TRIM17: variants seen among roughly 807,000 people sequenced by gnomAD.
TRIM17 encodes E3 ubiquitin-protein ligase TRIM17.
A neutral mutation model predicts 35.8 loss-of-function variants in TRIM17; 27 were observed. The ratio of observed to expected loss-of-function variants is 0.75; its 90% CI spans 0.56 to 1.04. The LOEUF (loss-of-function observed/expected upper bound fraction) is 1.04, where lower values mean the gene tolerates loss of function less well. TRIM17 is among the 50% of genes least tolerant of loss of function. TRIM17 has a pLI of 0.00. For synonymous variants in TRIM17, 246 were observed against 252.6 expected, an observed-to-expected ratio of 0.97 and a Z score of 0.25; for missense variants, 582 against 612.8, an observed-to-expected ratio of 0.95 and a Z score of 0.53.
In TRIM17 at chr1:228,408,365, A is replaced by G. The variant is rs768837283; in HGVS notation, c.1270T>C (p.Phe424Leu). 1 of 1,614,132 alleles carries G rather than the reference A, an allele frequency of 6.2e-7. No homozygotes were observed. Among genetic ancestry groups the G allele is most frequent in the Non-Finnish European group, 8.5e-7 (1 of 1,180,002 alleles). Residue 424 changes from phenylalanine to leucine, a missense_variant, in exon 7 of 7, where the codon TTC becomes CTC. Transcript: ENST00000366698. The surrounding 1 kb of genome is among the most constrained non-coding windows in gnomAD (Gnocchi z 6.3). Reference protein sequence around the residue: ...PPSHMGIFLDFEAGEVSFYSV... With the variant: ...PPSHMGIFLDLEAGEVSFYSV... ...TAGAAGGACACTTCCCCGGCTTCGA[A>G]GTCCAGGAAGATGCCCATGTGGCTG... is the stretch of plus-strand genomic sequence containing the variant.
At chr1:228,413,166 G>A (rs910695380) in intron 3 of TRIM17, among the ~76,000 whole-genome samples, 1 of 142,852 alleles carries the variant, frequency 7.0e-6, no homozygotes, top group African/African-American at 2.7e-5. Flanking sequence ...AACTGACACC[G>A]CACCATTGGA....
intron 3 of TRIM17, among the ~76,000 whole-genome samples, chr1:228,413,135 C>T (rs1351577242): frequency 1.3e-5 from 2 of 149,452 alleles, no homozygotes; most frequent in African/African-American, 5.0e-5. Flanking sequence ...TGCTTGAACC[C>T]GGGAGGCAGA....
In TRIM17 at chr1:228,408,597, G is replaced by C; in HGVS notation, c.1038C>G (p.Phe346Leu). Residue 346 changes from phenylalanine to leucine, a missense_variant, in exon 7 of 7, where the codon TTC (phenylalanine) becomes TTG (leucine). By Grantham distance (22) the Phe-to-Leu change is conservative (BLOSUM62 0). Coordinates refer to ENST00000366698, the MANE Select transcript of TRIM17 (RefSeq NM_016102.4). The surrounding 1 kb of genome is among the most constrained non-coding windows in gnomAD (Gnocchi z 6.3). ...AYPCAVGQTA[F>L]SSGRHYWEVG... is the part of the protein sequence containing the mutation. ...CCTCCCAGTAGTGCCTCCCAGAGGA[G>C]AAGGCCGTCTGGCCCACAGCACAGG... 1 of 1,613,998 alleles carries C rather than the reference G, an allele frequency of 6.2e-7. No homozygotes were observed.
In TRIM17 at chr1:228,407,965, C is replaced by T. The variant is rs902178583; in HGVS notation, c.*236G>A. Reference sequence around the variant, plus strand: ...GGTGTGTAGGTATGGATTTAGAAATCGGTCCACTCAGAACGCAGGGGCTTT... The same window carrying T: ...GGTGTGTAGGTATGGATTTAGAAATTGGTCCACTCAGAACGCAGGGGCTTT... On this transcript the variant is annotated 3_prime_UTR_variant, in exon 7 of 7. Coordinates refer to ENST00000366698, the MANE Select transcript of TRIM17 (RefSeq NM_016102.4). The T allele has an allele frequency of 2.5e-5, 9 of 354,810 alleles. No individual in the cohort carries two copies. Among genetic ancestry groups the T allele is most frequent in the African/African-American group, 1.9e-4 (9 of 47,640 alleles). The allele number at this position is 354,810 out of a possible 1,614,324, so 22.0% of individuals were successfully genotyped here. A position where few individuals can be genotyped will look rare whatever the true frequency, so the allele number is the denominator to read the frequency against.
At chr1:228,415,151 C>T (rs955212072) in intron 1 of TRIM17, 38 bp from the exon 2 acceptor site, 73 of 1,485,356 alleles carry the variant, frequency 4.9e-5, no homozygotes, top group Non-Finnish European at 6.2e-5. Flanking sequence ...ATGATCTGGG[C>T]GCCGGCAGTG....
Position 228,409,427 on chromosome 1 carries a change from A to C in TRIM17, c.757-16T>G, listed in dbSNP as rs1172341893. ...CCTTCATGTCCTGCAAAAGACAGGG[A>C]CGGAGGGTGGGGAGTGAGCCAAGCT... On this transcript the variant is annotated splice_polypyrimidine_tract_variant and intron_variant, in intron 4 of 6. Transcript: ENST00000366698. The C allele has an allele frequency of 1.3e-6, 2 of 1,509,554 alleles. No homozygotes were observed. Among genetic ancestry groups the C allele is most frequent in the Non-Finnish European group, 1.8e-6 (2 of 1,131,040 alleles). The allele number at this position is 1,509,554 out of a possible 1,614,324, so 93.5% of individuals were successfully genotyped here.
Position 228,408,458 on chromosome 1 carries a change from G to A in TRIM17, c.1177C>T (p.Leu393=), listed in dbSNP as rs1474570011. The change falls in exon 7 of 7, where the codon CTG becomes TTG. Residue 393 remains leucine, a synonymous_variant. Coordinates refer to ENST00000366698, the MANE Select transcript of TRIM17 (RefSeq NM_016102.4). This position sits in a 1 kb window ranked among gnomAD's most constrained non-coding sequence, Gnocchi z 6.3. ...CPENGFWVVQ[L]SKGTKYLSTF... Reference sequence around the variant, plus strand: ...GATAAGTACTTGGTCCCCTTGGACAGCTGCACCACCCAGAAGCCGTTTTCG... The same window carrying A: ...GATAAGTACTTGGTCCCCTTGGACAACTGCACCACCCAGAAGCCGTTTTCG... 6.2e-7 allele frequency: 1 copy of A among 1,614,208 alleles called. No individual in the cohort carries two copies. The highest frequency in any genetic ancestry group is 8.5e-7 in the Non-Finnish European group (1 of 1,180,032).
chr1:228,413,523 C>T (rs907046825), intron 3 of TRIM17, among the ~76,000 whole-genome samples: 1 of 152,176 alleles, frequency 6.6e-6, no homozygotes, highest in Non-Finnish European at 1.5e-5. Flanking sequence ...CCCCTACCCT[C>T]TGGCTGCCTC....
At chr1:228,415,350 T>C in intron 1 of TRIM17, 1 of 371,730 alleles carries the variant, frequency 2.7e-6, no homozygotes, top group South Asian at 5.4e-5. Flanking sequence ...GCCTGGACCC[T>C]ACCCGTCCAC....
Position 228,411,058 on chromosome 1 carries a change from G to A in TRIM17, c.644C>T (p.Ala215Val). The A allele has an allele frequency of 6.2e-7, 1 of 1,613,814 alleles. No homozygotes were observed. Among genetic ancestry groups the A allele is most frequent in the South Asian group, 1.1e-5 (1 of 91,072 alleles). ...QALETEEEET[A>V]SRLRESVACL... is the part of the protein sequence containing the mutation. ...GGCCACGCTCTCCCGGAGCCTGCTG[G>A]CAGTCTCCTCTTCTTCCGTCTCCAG... Residue 215 changes from alanine (A) to valine (V), a missense_variant, in exon 4 of 7, where the codon GCC becomes GTC. By Grantham distance (64) the Ala-to-Val change is moderately conservative (BLOSUM62 0). Coordinates refer to ENST00000366698, the MANE Select transcript of TRIM17 (RefSeq NM_016102.4). The surrounding 1 kb of genome is among the most constrained non-coding windows in gnomAD (Gnocchi z 4.2).
At chr1:228,412,432 T>C (rs1192054784) in intron 3 of TRIM17, among the ~76,000 whole-genome samples, 1 of 151,958 alleles carries the variant, frequency 6.6e-6, no homozygotes, top group African/African-American at 2.4e-5. Flanking sequence ...TAAGAGCTGT[T>C]CTCCCTCCTC....
intron 3 of TRIM17, among the ~76,000 whole-genome samples, chr1:228,412,118 A>G (rs1187545974): frequency 1.3e-5 from 2 of 152,112 alleles, no homozygotes; most frequent in African/African-American, 2.4e-5. Context: ...GGCTCTTTAT[A>G]GATAATATTC....
intron 4 of TRIM17, chr1:228,409,636 C>G (rs1267989629): frequency 2.1e-6 from 1 of 483,982 alleles, no homozygotes; most frequent in Non-Finnish European, 3.6e-6. Context: ...ACCCTGTCAG[C>G]CCACGGCCAC....
Position 228,414,630 on chromosome 1 carries a change from C to A in TRIM17, c.429+14G>T. On this transcript the variant is annotated intron_variant, in intron 2 of 6. Transcript: ENST00000366698. ...CCTCCCCGGCCCCTTGACCTGGGCC[C>A]CGATGTGGCCTACCTTGTACCCCTG... 1 of 1,603,688 alleles carries A rather than the reference C, an allele frequency of 6.2e-7. No individual in the cohort carries two copies. Among genetic ancestry groups the A allele is most frequent in the Non-Finnish European group, 8.5e-7 (1 of 1,173,650 alleles).
In TRIM17 at chr1:228,411,159, C is replaced by A; in HGVS notation, c.543G>T (p.Arg181=). The A allele has an allele frequency of 6.2e-7, 1 of 1,611,578 alleles. No individual in the cohort carries two copies. Among genetic ancestry groups the A allele is most frequent in the Non-Finnish European group, 8.5e-7 (1 of 1,178,872 alleles). The change falls in exon 4 of 7, where the codon CGG becomes CGT. Residue 181 remains arginine (R), a synonymous_variant. Coordinates refer to ENST00000366698, the MANE Select transcript of TRIM17 (RefSeq NM_016102.4). This position sits in a 1 kb window ranked among gnomAD's most constrained non-coding sequence, Gnocchi z 4.2. ...LAEWQGKVKE[R]RERIVLEFEK... ...CAAACTCCAGCACAATGCGTTCTCT[C>A]CGCTCCTTCACCTTGCCCTGCAGGA...
At chr1:228,414,616 C>A in intron 2 of TRIM17, 28 bp downstream of exon 2, 2 of 1,593,060 alleles carry the variant, frequency 1.3e-6, no homozygotes, top group Non-Finnish European at 1.7e-6. Flanking sequence ...CTCCCCGGCC[C>A]CTTGACCTGG....
At chr1:228,409,608 C>T in intron 4 of TRIM17, 197 bp from the exon 5 acceptor site, 2 of 545,536 alleles carry the variant, frequency 3.7e-6, no homozygotes, top group South Asian at 3.3e-5. Context: ...GCCCCCAGTG[C>T]CTCACCTAAG....
In TRIM17 at chr1:228,410,117, C is replaced by T. The variant is rs1427832341; in HGVS notation, c.757-706G>A. Among the ~76,000 whole-genome samples the T allele has an allele frequency of 8.4e-5, 12 of 143,510 alleles. No individual in the cohort carries two copies. The highest frequency in any genetic ancestry group is 1.4e-4 in the Non-Finnish European group (9 of 65,894). The allele number at this position is 143,510 out of a possible 152,430, so 94.1% of individuals were successfully genotyped here. ...TTTCCTTTTCCTTTTTTTTTTTTTT[C>T]CTAGATGTGATCTCACCATCACCCA... On this transcript the variant is annotated intron_variant, in intron 4 of 6. Coordinates refer to ENST00000366698, the MANE Select transcript of TRIM17 (RefSeq NM_016102.4). This position sits in a 1 kb window ranked among gnomAD's most constrained non-coding sequence, Gnocchi z 4.6.
rs776945072 is a variant in TRIM17 at position 228,413,892 on chromosome 1, A to G, written c.430T>C (p.Leu144=). ...TACTCCATGTCCTCCTCCAGCTTCA[A>G]CTGTGGGACACACAAACCGCAGGAT... is the stretch of plus-strand genomic sequence containing the variant. The part of the protein sequence containing the change: ...PAEEAVQGYK[L]KLEEDMEYLR... The change falls in exon 3 of 7, where the codon TTG becomes CTG. Residue 144 remains leucine (L), a splice_region_variant and synonymous_variant. Transcript: ENST00000366698. The G allele has an allele frequency of 3.7e-6, 6 of 1,613,628 alleles. No individual in the cohort carries two copies. Among genetic ancestry groups the G allele is most frequent in the South Asian group, 2.2e-5 (2 of 91,078 alleles).
Sources: gnomAD v4.1 joint callset for allele counts (sites outside exome capture counted in the v4.1 genomes callset) on GRCh38, gnomAD v4.1.1 for gene constraint, Gnocchi (gnomAD v3.1) non-coding constraint, MANE v1.5 for transcripts, NCBI Gene and HGNC (gene_info 2026-07-23, HGNC 2026-07-21) for gene names.